The following ZNF440 variants were observed in gnomAD, a reference collection of about 807,000 sequenced individuals.
ZNF440 encodes zinc finger protein 440.
A neutral mutation model predicts 49.7 loss-of-function variants in ZNF440; 47 were observed. The ratio of observed to expected loss-of-function variants is 0.95; its 90% CI spans 0.75 to 1.21. The LOEUF is 1.21. ZNF440 is among the 50% of genes most tolerant of loss of function. The pLI is 0.00. For synonymous variants in ZNF440, 255 were observed against 237.7 expected, an observed-to-expected ratio of 1.07 and a Z score of -0.67; for missense variants, 703 against 715.0, an observed-to-expected ratio of 0.98 and a Z score of 0.19.
Position 11,833,444 on chromosome 19 carries a change from A to G in ZNF440, c.*480A>G, listed in dbSNP as rs573653730. On this transcript the variant is annotated 3_prime_UTR_variant, in exon 4 of 4. Transcript: ENST00000304060. Reference sequence around the variant, plus strand: ...ATGCAGAAAAGCATTCAGCTTGCCTACTTCCTTTCATAGACATGAAAAGAC... The same window carrying G: ...ATGCAGAAAAGCATTCAGCTTGCCTGCTTCCTTTCATAGACATGAAAAGAC... 138 of 375,126 alleles carry G rather than the reference A, an allele frequency of 3.7e-4. No homozygotes were observed. Among genetic ancestry groups the G allele is most frequent in the African/African-American group, 2.7e-3 (127 of 46,574 alleles). The allele number at this position is 375,126 out of a possible 1,614,324, so 23.2% of individuals were successfully genotyped here.
In ZNF440 at chr19:11,815,284, T is replaced by TCACACACACACACACACACACACACACA. The variant is rs3223082; in HGVS notation, c.3+849_3+876dup. On this transcript the variant is annotated intron_variant, in intron 1 of 3. Coordinates refer to ENST00000304060, the MANE Select transcript of ZNF440 (RefSeq NM_152357.3). ...AGAGCGAGACAACTGGGCAACTCCG[T>TCACACACACACACACACACACACACACA]CACACACACACACACACACACACAC... 5.4e-4 allele frequency among the ~76,000 whole-genome samples: 65 copies of TCACACACACACACACACACACACACACA among 121,116 alleles called. 3 individuals are homozygous for TCACACACACACACACACACACACACACA. Among genetic ancestry groups the TCACACACACACACACACACACACACACA allele is most frequent in the South Asian group, 1.7e-3 (6 of 3,530 alleles). The allele number at this position is 121,116 out of a possible 152,430, so 79.5% of individuals were successfully genotyped here.
rs1975962159 is a variant in ZNF440 at position 11,832,525 on chromosome 19, G to A, written c.1349G>A (p.Arg450Lys). The A allele has an allele frequency of 6.2e-7, 1 of 1,613,258 alleles. No homozygotes were observed. The highest frequency in any genetic ancestry group is 1.7e-5 in the Admixed American group (1 of 59,922). Residue 450 changes from arginine (R) to lysine (K), a missense_variant, in exon 4 of 4, where the codon AGA (arginine) becomes AAA (lysine). Coordinates refer to ENST00000304060, the MANE Select transcript of ZNF440 (RefSeq NM_152357.3). ...QSHERTQTHI[R>K]IHSGERRYKC... ...CATGAAAGGACACAAACACACATAAGAATACACTCTGGAGAAAGACGTTAT... is the reference window on the plus strand; with the variant it reads ...CATGAAAGGACACAAACACACATAAAAATACACTCTGGAGAAAGACGTTAT...
chr19:11,820,250 T>C (rs767153112), intron 1 of ZNF440, among the ~76,000 whole-genome samples: 5 of 152,138 alleles, frequency 3.3e-5, no homozygotes, highest in Non-Finnish European at 7.4e-5. Flanking sequence ...AGAGTCTCAC[T>C]CTGTCGCCCA....
chr19:11,825,158 TAAAAAA>T (rs369404267), intron 1 of ZNF440, among the ~76,000 whole-genome samples: 2,360 of 150,048 alleles, frequency 0.016, 32 homozygotes, highest in Middle Eastern at 0.058. Flanking sequence ...TTTCCAAAAA[TAAAAAA>T]AATAAAAAAT....
Position 11,831,989 on chromosome 19 carries a change from T to TC in ZNF440, c.814dup (p.Arg272ProfsTer2). 6.2e-7 allele frequency: 1 copy of TC among 1,613,980 alleles called. No homozygotes were observed. The highest frequency in any genetic ancestry group is 8.5e-7 in the Non-Finnish European group (1 of 1,179,928). ...AAGCATTTCATAGTCCCAGATCCTA[T>TC]CGTAGACATGAAAGGATTCACATGG... On this transcript the variant is annotated frameshift_variant, in exon 4 of 4. Transcript: ENST00000304060. LOFTEE classifies it high-confidence loss of function.
chr19:11,825,791 C>CTTTTTTTTTTTTTTTTTTTTTT, intron 1 of ZNF440, among the ~76,000 whole-genome samples: 1 of 117,558 alleles, frequency 8.5e-6, no homozygotes. Flanking sequence ...CACTGATTTT[C>CTTTTTTTTTTTTTTTTTTTTTT]TTTTTTTTTT....
At chr19:11,821,987 G>C (rs1975805655) in intron 1 of ZNF440, among the ~76,000 whole-genome samples, 1 of 152,246 alleles carries the variant, frequency 6.6e-6, no homozygotes, top group Non-Finnish European at 1.5e-5. Context: ...TAGGTGGGGA[G>C]CAAGACAGAC....
At position 11,832,891 on chromosome 19, in the gene ZNF440, A is replaced by T. The variant is rs773282065; in HGVS notation, c.1715A>T (p.His572Leu). 3 of 1,612,678 alleles carry T rather than the reference A, an allele frequency of 1.9e-6. No homozygotes were observed. Among genetic ancestry groups the T allele is most frequent in the Non-Finnish European group, 2.5e-6 (3 of 1,179,354 alleles). The stretch of plus-strand genomic sequence containing the variant: ...CACACAATGGAGAGAAGCCCTATGC[A>T]TGTAAGGAATGTGGGAAACCCTTCG... ...VGHTMERSPM[H>L]VRNVGNPSDL... The change falls in exon 4 of 4, where the codon CAT (histidine) becomes CTT (leucine). Residue 572 changes from histidine to leucine, a missense_variant. Transcript: ENST00000304060.
chr19:11,829,552 G>A (rs1413413923), intron 1 of ZNF440, among the ~76,000 whole-genome samples: 1 of 152,046 alleles, frequency 6.6e-6, no homozygotes, highest in Non-Finnish European at 1.5e-5. Context: ...AGGTGCTACA[G>A]ACCCACAGTC....
chr19:11,818,520 A>G (rs1383927011), intron 1 of ZNF440, among the ~76,000 whole-genome samples: 4 of 152,270 alleles, frequency 2.6e-5, no homozygotes, highest in South Asian at 4.1e-4. Context: ...TTTCCATAGA[A>G]GGCTGATGTA....
chr19:11,828,426 C>A (rs1975892956), intron 1 of ZNF440, among the ~76,000 whole-genome samples: 1 of 152,160 alleles, frequency 6.6e-6, no homozygotes, highest in Non-Finnish European at 1.5e-5. Context: ...CTCAAGTGAT[C>A]TTCCCACCTC....
Position 11,832,477 on chromosome 19 carries a change from G to T in ZNF440, c.1301G>T (p.Arg434Ile). The change falls in exon 4 of 4, where the codon AGA becomes ATA. Residue 434 changes from arginine (R) to isoleucine (I), a missense_variant. Coordinates refer to ENST00000304060, the MANE Select transcript of ZNF440 (RefSeq NM_152357.3). ...TGTAAGGAATGTGGGAAAGCCTTCAGATATGTGAATAACCTTCAAAGTCAT... is the reference window on the plus strand; with the variant it reads ...TGTAAGGAATGTGGGAAAGCCTTCATATATGTGAATAACCTTCAAAGTCAT... ...YECKECGKAF[R>I]YVNNLQSHER... The T allele has an allele frequency of 6.2e-7, 1 of 1,613,722 alleles. No homozygotes were observed. The highest frequency in any genetic ancestry group is 1.3e-5 in the African/African-American group (1 of 74,864).
intron 1 of ZNF440, among the ~76,000 whole-genome samples, chr19:11,819,000 T>C (rs1975766025): frequency 6.6e-6 from 1 of 152,128 alleles, no homozygotes; most frequent in Non-Finnish European, 1.5e-5. Flanking sequence ...GAAGTTAGTC[T>C]ACTACAGAGA....
chr19:11,830,256 T>C lies in ZNF440; in HGVS notation c.4-27T>C, dbSNP rs531553536. The C allele has an allele frequency of 3.2e-5, 51 of 1,613,660 alleles. No homozygotes were observed. The African/African-American group carries it at 5.9e-4, about 19-fold the overall frequency. On this transcript the variant is annotated intron_variant, in intron 1 of 3. Transcript: ENST00000304060. The stretch of plus-strand genomic sequence containing the variant: ...CCCAGTGCTGTCACTCTCACCCATC[T>C]TCTTCTACACATGTGAGATGTTTCA...
intron 1 of ZNF440, among the ~76,000 whole-genome samples, chr19:11,823,406 G>A (rs1016965468): frequency 2.6e-5 from 4 of 151,940 alleles, no homozygotes; most frequent in African/African-American, 9.7e-5. Context: ...TAGTCATTGT[G>A]TTATATTTCA....
chr19:11,824,179 T>C (rs1171479371), intron 1 of ZNF440, among the ~76,000 whole-genome samples: 2 of 142,612 alleles, frequency 1.4e-5, no homozygotes, highest in Non-Finnish European at 3.0e-5. Context: ...TGATACCCTG[T>C]TTCAAAAAAA....
At chr19:11,816,292 G>T in intron 1 of ZNF440, 1 of 152,154 alleles carries the variant, frequency 6.6e-6, no homozygotes, top group East Asian at 1.9e-4. Context: ...CTGAAGGAAG[G>T]GGGTCTGTTA....
rs187998840 is a variant in ZNF440 at position 11,823,347 on chromosome 19, T to C, written c.4-6936T>C. 3.1e-3 allele frequency among the ~76,000 whole-genome samples: 478 copies of C among 152,302 alleles called. 4 individuals are homozygous for C. The highest frequency in any genetic ancestry group is 0.011 in the African/African-American group (470 of 41,568). On this transcript the variant is annotated intron_variant, in intron 1 of 3. Transcript: ENST00000304060. ...TTTTTTGGAGTGATGCAAATATTCA[T>C]GCCGTAACACCCCCCCAACCATACT...
At chr19:11,824,931 A>G (rs1599292703) in intron 1 of ZNF440, among the ~76,000 whole-genome samples, 1 of 151,310 alleles carries the variant, frequency 6.6e-6, no homozygotes, top group African/African-American at 2.4e-5. Flanking sequence ...CTGGTCTCAA[A>G]CTCCTGACCT....
Sources: gnomAD v4.1 joint callset for allele counts (sites outside exome capture counted in the v4.1 genomes callset) on GRCh38, gnomAD v4.1.1 for gene constraint, MANE v1.5 for transcripts, NCBI Gene and HGNC (gene_info 2026-07-23, HGNC 2026-07-21) for gene names.